The following OPA1 variants were observed in gnomAD, a reference collection of about 807,000 sequenced individuals.
The protein encoded by OPA1 is dynamin-like GTPase OPA1, mitochondrial.
A neutral mutation model predicts 152.9 loss-of-function variants in OPA1; 59 were observed. That is an observed-to-expected ratio of 0.39 (90% confidence interval 0.31 to 0.48). The LOEUF (loss-of-function observed/expected upper bound fraction) is 0.48. Ranked by LOEUF, OPA1 falls within the 20% of genes least tolerant of loss-of-function variation. The pLI is 0.96. For synonymous variants in OPA1, 400 were observed against 389.9 expected (o/e 1.03, Z -0.31); for missense variants, 1,008 against 1,216.8 (o/e 0.83, Z 2.55).
intron 30 of OPA1, among the ~76,000 whole-genome samples, chr3:193,693,131 C>G (rs1721898301): frequency 6.6e-6 from 1 of 151,932 alleles, no homozygotes; most frequent in East Asian, 1.9e-4. Context: ...GGTTCCCTCC[C>G]TGGCTACGCT....
At chr3:193,670,567 C>A (rs1488346550) in intron 29 of OPA1, among the ~76,000 whole-genome samples, 1 of 151,938 alleles carries the variant, frequency 6.6e-6, no homozygotes, top group Admixed American at 6.6e-5. Flanking sequence ...GGGGTTTCCC[C>A]ATGTTAGCCA....
At chr3:193,626,053 C>G (rs1345563721) in intron 6 of OPA1, 39 bp from the exon 7 acceptor site, 1 of 1,469,282 alleles carries the variant, frequency 6.8e-7, no homozygotes, top group East Asian at 2.3e-5. Flanking sequence ...TTATTCTCCT[C>G]CCCAATTTCC....
At chr3:193,610,031 C>G (rs1051654481) in intron 1 of OPA1, among the ~76,000 whole-genome samples, 1 of 152,220 alleles carries the variant, frequency 6.6e-6, no homozygotes, top group African/African-American at 2.4e-5. Context: ...CTTCTTCTCT[C>G]AGCTCGTCAA....
chr3:193,643,837 T>A lies in OPA1; in HGVS notation c.1478-138T>A. On this transcript the variant is annotated intron_variant, in intron 15 of 30. Transcript: ENST00000361510. ...TCATTGAAATTTTTATCGGCTAGGA[T>A]TTCTTTTTAGTAAATAACGTAAATG... 3.9e-6 allele frequency: 4 copies of A among 1,034,804 alleles called. No homozygotes were observed. The South Asian group carries it at 6.1e-5, about 16-fold the overall frequency. 64.1% of individuals were successfully genotyped at this position (1,034,804 alleles called of 1,614,324 possible).
intron 29 of OPA1, among the ~76,000 whole-genome samples, chr3:193,672,463 C>T (rs1718136898): frequency 6.6e-6 from 1 of 152,130 alleles, no homozygotes; most frequent in Non-Finnish European, 1.5e-5. Context: ...TTGCCTGGAA[C>T]CCTTGTTCAC....
chr3:193,624,650 A>G (rs951522115), intron 6 of OPA1, among the ~76,000 whole-genome samples: 1 of 152,098 alleles, frequency 6.6e-6, no homozygotes, highest in Non-Finnish European at 1.5e-5. Context: ...TCTTTTTATA[A>G]CTATTTTATA....
At chr3:193,660,040 A>AG (rs1418743112) in intron 25 of OPA1, among the ~76,000 whole-genome samples, 2 of 152,106 alleles carry the variant, frequency 1.3e-5, no homozygotes, top group Non-Finnish European at 1.5e-5. Context: ...CCCAGCTACT[A>AG]GTGAGGCTGA....
At chr3:193,635,788 T>C (rs1173751453) in intron 9 of OPA1, among the ~76,000 whole-genome samples, 1 of 152,204 alleles carries the variant, frequency 6.6e-6, no homozygotes, top group Admixed American at 6.5e-5. Context: ...AAATATCTAG[T>C]TTATCTCTAG....
At chr3:193,691,586 T>G (rs1043172069) in intron 29 of OPA1, 10 of 153,248 alleles carry the variant, frequency 6.5e-5, no homozygotes, top group African/African-American at 2.4e-4. Context: ...CCATATTGAT[T>G]GATCTTTTCC....
intron 29 of OPA1, among the ~76,000 whole-genome samples, chr3:193,682,194 C>A (rs966702754): frequency 6.6e-6 from 1 of 152,216 alleles, no homozygotes; most frequent in Non-Finnish European, 1.5e-5. Flanking sequence ...ATCAAACCAG[C>A]CATAACATTC....
At chr3:193,644,177 T>TA (rs1319754379) in intron 16 of OPA1, 72 bp downstream of exon 16, 3 of 1,546,756 alleles carry the variant, frequency 1.9e-6, no homozygotes, top group African/African-American at 2.7e-5. Flanking sequence ...ATTTGTTATT[T>TA]AAAAAAACAA....
chr3:193,637,804 A>C (rs568246929), intron 10 of OPA1, 148 bp from the exon 11 acceptor site: 8 of 707,568 alleles, frequency 1.1e-5, no homozygotes, highest in African/African-American at 3.5e-5. Context: ...CACATGCATC[A>C]ATCACCATTT....
chr3:193,610,517 C>T (rs1413875583), intron 1 of OPA1, among the ~76,000 whole-genome samples: 1 of 152,218 alleles, frequency 6.6e-6, no homozygotes, highest in African/African-American at 2.4e-5. Context: ...TGTCTGTTCT[C>T]AGATCTCAAG....
intron 1 of OPA1, among the ~76,000 whole-genome samples, chr3:193,606,738 T>C (rs1233329999): frequency 4.6e-5 from 7 of 151,902 alleles, no homozygotes; most frequent in Admixed American, 6.6e-5. Flanking sequence ...CGTGTGCATG[T>C]GTCTTTATAG....
intron 1 of OPA1, among the ~76,000 whole-genome samples, chr3:193,595,926 C>CAT (rs1160941389): frequency 2.0e-5 from 3 of 152,158 alleles, no homozygotes; most frequent in Non-Finnish European, 4.4e-5. Context: ...GAAAAGCATA[C>CAT]ATATACCCTA....
Position 193,626,079 on chromosome 3 carries a change from G to T in OPA1, c.679-13G>T. Reference sequence around the variant, plus strand: ...CCCAATTTCCTCTTCTCCTCATTGTGAACTCGTGGCAGGGTCTGCTTGGTG... The same window carrying T: ...CCCAATTTCCTCTTCTCCTCATTGTTAACTCGTGGCAGGGTCTGCTTGGTG... On this transcript the variant is annotated splice_polypyrimidine_tract_variant and intron_variant, in intron 6 of 30. Coordinates refer to ENST00000361510, the MANE Select transcript of OPA1 (RefSeq NM_130837.3). 1 of 1,603,266 alleles carries T rather than the reference G, an allele frequency of 6.2e-7. No homozygotes were observed. Among genetic ancestry groups the T allele is most frequent in the South Asian group, 1.1e-5 (1 of 90,864 alleles).
intron 27 of OPA1, 21 bp from the exon 28 acceptor site, chr3:193,666,275 C>A: frequency 6.3e-7 from 1 of 1,596,982 alleles, no homozygotes; most frequent in South Asian, 1.1e-5. Flanking sequence ...ATCTGGTAAT[C>A]TTAGTTACTT....
chr3:193,644,994 CT>C (rs77645504), intron 16 of OPA1, among the ~76,000 whole-genome samples: 394 of 140,568 alleles, frequency 2.8e-3, no homozygotes, highest in Middle Eastern at 7.2e-3. Context: ...GGTACATAGT[CT>C]TTTTTTTTTT....
At position 193,686,402 on chromosome 3, in the gene OPA1, G is replaced by A. The variant is rs1720942024; in HGVS notation, c.2984-5661G>A. On this transcript the variant is annotated intron_variant, in intron 29 of 30. Coordinates refer to ENST00000361510, the MANE Select transcript of OPA1 (RefSeq NM_130837.3). ...AGTGTTCTGTCTGTCTTCATTGAGT[G>A]TTAAAAAATAATCATGCCTATTTCA... Among the ~76,000 whole-genome samples the A allele has an allele frequency of 2.0e-5, 3 of 152,070 alleles. No homozygotes were observed. In the South Asian group the frequency reaches 6.2e-4, roughly 32 times the overall value.
Sources: allele counts gnomAD v4.1 joint callset (sites outside exome capture counted in the v4.1 genomes callset), GRCh38; gene constraint gnomAD v4.1.1; transcripts MANE v1.5; gene names NCBI Gene and HGNC (gene_info 2026-07-23, HGNC 2026-07-21).